The following CADM2 variants were observed in gnomAD, a reference collection of about 807,000 sequenced individuals.
CADM2 encodes the protein immunoglobulin superfamily member 4D.
Under a neutral mutation model 49.8 loss-of-function variants are expected in CADM2, and 12 were observed. The observed-to-expected ratio is 0.24, with a 90% CI of 0.15 to 0.39. CADM2 has a LOEUF of 0.39. Among genes scored for constraint, CADM2 ranks in the 10% least tolerant of loss-of-function variants. CADM2 has a pLI of 1.00. For missense variants in CADM2, 378 were observed against 492.3 expected, an observed-to-expected ratio of 0.77 and a Z score of 2.20; for synonymous variants, 214 against 175.4, an observed-to-expected ratio of 1.22 and a Z score of -1.74.
At chr3:85,225,265 C>A (rs1455226202) in intron 1 of CADM2, among the ~76,000 whole-genome samples, 1 of 152,154 alleles carries the variant, frequency 6.6e-6, no homozygotes, top group Non-Finnish European at 1.5e-5. Flanking sequence ...TATGTCTCCT[C>A]TTTTATTTCC....
intron 1 of CADM2, among the ~76,000 whole-genome samples, chr3:85,676,091 A>G (rs375930569): frequency 6.6e-6 from 1 of 152,314 alleles, no homozygotes. Context: ...ACCACAGCAG[A>G]TACCTCACTT....
chr3:85,948,327 AT>A (rs36050161), intron 7 of CADM2, among the ~76,000 whole-genome samples: 3 of 151,082 alleles, frequency 2.0e-5, no homozygotes, highest in African/African-American at 2.4e-5. Flanking sequence ...TTTTTTTTGC[AT>A]TTTTTTCGTA....
chr3:85,820,693 T>C (rs1291823943), intron 3 of CADM2, among the ~76,000 whole-genome samples: 1 of 152,056 alleles, frequency 6.6e-6, no homozygotes. Flanking sequence ...CAAGAGGAGA[T>C]TACATGATAG....
At chr3:85,448,615 G>C (rs2037590459) in intron 1 of CADM2, among the ~76,000 whole-genome samples, 1 of 152,090 alleles carries the variant, frequency 6.6e-6, no homozygotes, top group Non-Finnish European at 1.5e-5. Context: ...GCATGCGTGT[G>C]TGTGTGAACA....
At chr3:85,547,209 A>G (rs537514412) in intron 1 of CADM2, among the ~76,000 whole-genome samples, 1 of 152,238 alleles carries the variant, frequency 6.6e-6, no homozygotes, top group South Asian at 2.1e-4. Flanking sequence ...CAGATCTGTA[A>G]TATAATATCT....
chr3:85,713,690 G>T (rs2067193645), intron 1 of CADM2, among the ~76,000 whole-genome samples: 1 of 152,064 alleles, frequency 6.6e-6, no homozygotes, highest in African/African-American at 2.4e-5. Context: ...TTATATTACG[G>T]TAAAAACTAC....
chr3:85,908,013 C>T (rs1452364677), intron 5 of CADM2, among the ~76,000 whole-genome samples: 2 of 151,856 alleles, frequency 1.3e-5, no homozygotes, highest in Non-Finnish European at 2.9e-5. Context: ...TGAGATTATA[C>T]TGCTCAAGGC....
intron 1 of CADM2, among the ~76,000 whole-genome samples, chr3:85,694,928 C>T (rs901871927): frequency 4.1e-5 from 6 of 146,360 alleles, no homozygotes; most frequent in African/African-American, 1.5e-4. Context: ...GATCCTATCT[C>T]TAAAAAAAAT....
At chr3:85,475,880 A>T (rs1266422933) in intron 1 of CADM2, among the ~76,000 whole-genome samples, 1 of 151,922 alleles carries the variant, frequency 6.6e-6, no homozygotes, top group East Asian at 1.9e-4. Context: ...AAATCAATTG[A>T]TATACTTTAT....
intron 1 of CADM2, among the ~76,000 whole-genome samples, chr3:85,051,480 C>T (rs991338297): frequency 6.6e-6 from 1 of 152,114 alleles, no homozygotes; most frequent in African/African-American, 2.4e-5. Flanking sequence ...CAAAGCTACT[C>T]CCAAAGTATA....
At chr3:85,334,336 T>TA (rs1327680818) in intron 1 of CADM2, among the ~76,000 whole-genome samples, 1 of 151,542 alleles carries the variant, frequency 6.6e-6, no homozygotes, top group Non-Finnish European at 1.5e-5. Flanking sequence ...GGCTTACATC[T>TA]AAAAAATGAC....
chr3:85,610,023 C>T (rs1339087184), intron 1 of CADM2, among the ~76,000 whole-genome samples: 1 of 151,776 alleles, frequency 6.6e-6, no homozygotes, highest in South Asian at 2.1e-4. Context: ...CATGTTTAGT[C>T]CCCAAATCTG....
At chr3:85,921,331 C>G (rs921345771) in intron 6 of CADM2, among the ~76,000 whole-genome samples, 7 of 151,922 alleles carry the variant, frequency 4.6e-5, no homozygotes, top group African/African-American at 9.7e-5. Flanking sequence ...CACACACACA[C>G]AGACATACAC....
intron 1 of CADM2, among the ~76,000 whole-genome samples, chr3:85,406,392 T>C (rs2035379797): frequency 6.6e-6 from 1 of 152,210 alleles, no homozygotes; most frequent in Non-Finnish European, 1.5e-5. Flanking sequence ...GCCGTTGCTA[T>C]ACATTTTGAG....
intron 1 of CADM2, among the ~76,000 whole-genome samples, chr3:85,225,560 T>C (rs1012987154): frequency 1.3e-5 from 2 of 152,238 alleles, no homozygotes; most frequent in African/African-American, 4.8e-5. Context: ...AGTGACAATT[T>C]GACTTCCTCT....
chr3:85,120,891 TC>T (rs1189431508), intron 1 of CADM2, among the ~76,000 whole-genome samples: 2 of 152,186 alleles, frequency 1.3e-5, no homozygotes, highest in Non-Finnish European at 2.9e-5. Flanking sequence ...TAAGATTCAC[TC>T]GACAAATCTT....
intron 1 of CADM2, among the ~76,000 whole-genome samples, chr3:85,109,693 A>C (rs1325545875): frequency 6.6e-6 from 1 of 151,924 alleles, no homozygotes; most frequent in Non-Finnish European, 1.5e-5. Flanking sequence ...CAAGAGGAAA[A>C]GTTTCTTAAT....
chr3:85,535,369 C>A (rs898099797), intron 1 of CADM2, among the ~76,000 whole-genome samples: 1 of 152,084 alleles, frequency 6.6e-6, no homozygotes, highest in Non-Finnish European at 1.5e-5. Context: ...TCCAACGCCT[C>A]CATGGGCCCT....
intron 2 of CADM2, among the ~76,000 whole-genome samples, chr3:85,776,336 T>TACACAC (rs141105558): frequency 0.13 from 19,272 of 146,122 alleles, 1,453 homozygotes; most frequent in Admixed American, 0.22. Context: ...CAAACTCTCT[T>TACACAC]ACACACACAC....
Sources: allele counts gnomAD v4.1 joint callset (sites outside exome capture counted in the v4.1 genomes callset), GRCh38; gene constraint gnomAD v4.1.1; transcripts MANE v1.5; gene names NCBI Gene and HGNC (gene_info 2026-07-23, HGNC 2026-07-21).